The following MACROD2 variants were observed in gnomAD, a reference collection of about 807,000 sequenced individuals.
MACROD2 encodes the protein mono-ADP ribosylhydrolase 2, also known as ADP-ribose glycohydrolase MACROD2.
In MACROD2, 36 loss-of-function variants were observed where a neutral mutation model predicts 70.4. That is an observed-to-expected ratio of 0.51 (90% CI 0.39 to 0.68). MACROD2 has a LOEUF of 0.68. MACROD2 is among the 30% of genes least tolerant of loss of function. MACROD2 has a pLI of 0.00. For synonymous variants in MACROD2, 172 were observed against 178.8 expected, an observed-to-expected ratio of 0.96 and a Z score of 0.30; for missense variants, 496 against 538.4, an observed-to-expected ratio of 0.92 and a Z score of 0.78.
chr20:16,001,507 A>T (rs1456407416), intron 15 of MACROD2, among the ~76,000 whole-genome samples: 1 of 152,234 alleles, frequency 6.6e-6, no homozygotes, highest in Non-Finnish European at 1.5e-5. Context: ...AACCAATAAT[A>T]TCATCCCATT....
At position 15,458,776 on chromosome 20, in the gene MACROD2, G is replaced by C. The variant is rs550465412; in HGVS notation, c.571+27341G>C. On this transcript the variant is annotated intron_variant, in intron 7 of 17. Coordinates refer to ENST00000684519, the MANE Select transcript of MACROD2 (RefSeq NM_001351661.2). ...AGTTTCTGCCTCATCGTATACAATG[G>C]CTCTTCTGGACCTGGCAGATTTGGG... Among the ~76,000 whole-genome samples the C allele has an allele frequency of 3.3e-5, 5 of 152,058 alleles. No homozygotes were observed. The South Asian group carries it at 6.3e-4, about 19-fold the overall frequency.
intron 4 of MACROD2, among the ~76,000 whole-genome samples, chr20:14,507,267 G>T (rs2084979014): frequency 6.6e-6 from 1 of 151,742 alleles, no homozygotes; most frequent in Admixed American, 6.6e-5. Context: ...CTCTTTCTGG[G>T]GCTCCTGTTA....
intron 8 of MACROD2, among the ~76,000 whole-genome samples, chr20:15,652,144 C>T (rs190728694): frequency 2.3e-4 from 35 of 152,252 alleles, no homozygotes; most frequent in African/African-American, 6.0e-4. Context: ...CACTCACCTG[C>T]TAGTGTTGAT....
intron 7 of MACROD2, among the ~76,000 whole-genome samples, chr20:15,431,766 G>A (rs904151488): frequency 1.3e-5 from 2 of 151,934 alleles, no homozygotes; most frequent in African/African-American, 2.4e-5. Flanking sequence ...AAAGCATAAT[G>A]TACATAGAGT....
intron 5 of MACROD2, chr20:14,888,741 A>G (rs1002627483): frequency 3.3e-5 from 5 of 152,166 alleles, no homozygotes; most frequent in African/African-American, 1.2e-4. Flanking sequence ...AACTTGAACC[A>G]TGTTTTGCGC....
At chr20:14,048,794 G>T (rs959205322) in intron 2 of MACROD2, among the ~76,000 whole-genome samples, 1 of 152,092 alleles carries the variant, frequency 6.6e-6, no homozygotes, top group Non-Finnish European at 1.5e-5. Flanking sequence ...GACATTTAAG[G>T]TTAAATACAA....
intron 5 of MACROD2, among the ~76,000 whole-genome samples, chr20:15,172,130 A>G (rs1001751403): frequency 1.3e-5 from 2 of 152,310 alleles, no homozygotes; most frequent in Admixed American, 6.5e-5. Flanking sequence ...TCAGAGAAGC[A>G]TTCATAAGAC....
chr20:15,341,644 A>G (rs1275552127), intron 6 of MACROD2, among the ~76,000 whole-genome samples: 4 of 152,256 alleles, frequency 2.6e-5, no homozygotes, highest in Admixed American at 2.0e-4. Flanking sequence ...ATATTTCTTC[A>G]ACATGCAAAA....
intron 6 of MACROD2, among the ~76,000 whole-genome samples, chr20:15,400,302 C>A (rs1301612511): frequency 6.6e-6 from 1 of 152,170 alleles, no homozygotes; most frequent in Non-Finnish European, 1.5e-5. Context: ...AAATGCTGAA[C>A]CCCAGGACAC....
intron 10 of MACROD2, chr20:15,893,685 G>T (rs1220692521): frequency 2.2e-6 from 1 of 456,682 alleles, no homozygotes; most frequent in Non-Finnish European, 4.4e-6. Context: ...CAAAGACCCA[G>T]AAGCGATAGA....
rs1272059280 is a variant in MACROD2, at chr20:14,544,565, AATG to A, written c.301+51067_301+51069del. Among the ~76,000 whole-genome samples, 5 of 152,134 alleles carry A rather than the reference AATG, an allele frequency of 3.3e-5. No homozygotes were observed. The East Asian group carries it at 9.6e-4, about 29-fold the overall frequency. On this transcript the variant is annotated intron_variant, in intron 4 of 17. Coordinates refer to ENST00000684519, the MANE Select transcript of MACROD2 (RefSeq NM_001351661.2). The stretch of plus-strand genomic sequence containing the variant: ...TAGTGAGCACTCTTATTATTGTTGC[AATG>A]ATGATGATGGTGATAATGATGATGA...
chr20:14,201,112 A>G (rs982904778), intron 3 of MACROD2, among the ~76,000 whole-genome samples: 1 of 151,960 alleles, frequency 6.6e-6, no homozygotes, highest in African/African-American at 2.4e-5. Context: ...CTTTTTCTCT[A>G]CTTGCACTAC....
chr20:15,518,985 A>G (rs1028298904), intron 8 of MACROD2, among the ~76,000 whole-genome samples: 1 of 152,124 alleles, frequency 6.6e-6, no homozygotes, highest in Non-Finnish European at 1.5e-5. Flanking sequence ...ACTATTTTCT[A>G]TGTGCCGGAC....
chr20:14,890,162 C>T (rs939812821), intron 5 of MACROD2, among the ~76,000 whole-genome samples: 10 of 151,946 alleles, frequency 6.6e-5, no homozygotes, highest in East Asian at 3.9e-4. Context: ...TAAGTTTGAA[C>T]GTGTCAAGTG....
At chr20:14,088,492 A>C (rs1287315945) in intron 3 of MACROD2, among the ~76,000 whole-genome samples, 4 of 148,768 alleles carry the variant, frequency 2.7e-5, no homozygotes. Context: ...AAATACACTT[A>C]TCAGCCTTCC....
intron 11 of MACROD2, among the ~76,000 whole-genome samples, chr20:15,936,982 C>T (rs929205194): frequency 1.3e-5 from 2 of 152,142 alleles, no homozygotes; most frequent in African/African-American, 4.8e-5. Context: ...GCCGAATGCT[C>T]CCCTTCTTCC....
At chr20:14,041,508 A>C (rs2053389683) in intron 2 of MACROD2, among the ~76,000 whole-genome samples, 1 of 152,232 alleles carries the variant, frequency 6.6e-6, no homozygotes, top group Admixed American at 6.5e-5. Flanking sequence ...AGTGGGAAAG[A>C]AATATAGGAA....
intron 5 of MACROD2, among the ~76,000 whole-genome samples, chr20:15,212,262 T>A (rs1228843185): frequency 6.6e-6 from 1 of 152,206 alleles, no homozygotes; most frequent in East Asian, 1.9e-4. Flanking sequence ...CTTTTTGGCT[T>A]ATTTTAGAAG....
intron 6 of MACROD2, among the ~76,000 whole-genome samples, chr20:15,413,245 C>T (rs532054322): frequency 4.6e-5 from 7 of 152,002 alleles, no homozygotes; most frequent in South Asian, 2.1e-4. Context: ...GGGCAAGTTT[C>T]GCTTCACATC....
Sources: gnomAD v4.1 joint callset for allele counts (sites outside exome capture counted in the v4.1 genomes callset) on GRCh38, gnomAD v4.1.1 for gene constraint, MANE v1.5 for transcripts, NCBI Gene and HGNC (gene_info 2026-07-23, HGNC 2026-07-21) for gene names.